The following MRC2 variants were observed in gnomAD, a reference collection of about 807,000 sequenced individuals.
MRC2 encodes C-type mannose receptor 2.
In MRC2, 84 loss-of-function variants were observed where a neutral mutation model predicts 206.2. That is an observed-to-expected ratio of 0.41 (90% CI 0.34 to 0.49). The LOEUF (loss-of-function observed/expected upper bound fraction) is 0.49, where lower values mean the gene tolerates loss of function less well. Among genes scored for constraint, MRC2 ranks in the 20% least tolerant of loss-of-function variants. MRC2 has a pLI of 0.31. For synonymous variants in MRC2, 798 were observed against 800.0 expected (o/e 1.00, Z 0.04); for missense variants, 1,676 against 2,001.5 (o/e 0.84, Z 3.10).
At chr17:62,657,941 G>A (rs1056853434) in intron 1 of MRC2, among the ~76,000 whole-genome samples, 2 of 151,796 alleles carry the variant, frequency 1.3e-5, no homozygotes, top group Non-Finnish European at 2.9e-5. Context: ...GAGTCCCCCC[G>A]GATCCACCTA....
intron 1 of MRC2, among the ~76,000 whole-genome samples, chr17:62,659,812 A>G (rs1391145246): frequency 3.3e-5 from 5 of 152,220 alleles, no homozygotes. Flanking sequence ...TGTGGGTACT[A>G]TGTTTTAGGA....
intron 1 of MRC2, among the ~76,000 whole-genome samples, chr17:62,650,293 A>AGT (rs948989059): frequency 1.1e-4 from 17 of 152,254 alleles, no homozygotes; most frequent in African/African-American, 3.9e-4. Context: ...ATTCCACTTC[A>AGT]GTGTGTGTGT....
In MRC2 at chr17:62,692,680, G is replaced by T. The variant is rs1028620321; in HGVS notation, c.*229G>T. The T allele has an allele frequency of 2.7e-5, 14 of 515,354 alleles. No homozygotes were observed. Among genetic ancestry groups the T allele is most frequent in the Non-Finnish European group, 4.6e-5 (13 of 285,050 alleles). 31.9% of individuals were successfully genotyped at this position (515,354 alleles called of 1,614,324 possible). A position where few individuals can be genotyped will look rare whatever the true frequency, so the allele number is the denominator to read the frequency against. On this transcript the variant is annotated 3_prime_UTR_variant, in exon 30 of 30. Coordinates refer to ENST00000303375, the MANE Select transcript of MRC2 (RefSeq NM_006039.5). This position sits in a 1 kb window ranked among gnomAD's most constrained non-coding sequence, Gnocchi z 4.2. ...AGCGTGGCGTTTCCCTTTCTGGGGGGGCCTGAGGTCTTGTCACCTGGTCCT... is the reference window on the plus strand; with the variant it reads ...AGCGTGGCGTTTCCCTTTCTGGGGGTGCCTGAGGTCTTGTCACCTGGTCCT...
chr17:62,666,307 C>A lies in MRC2; in HGVS notation c.694+40C>A. On this transcript the variant is annotated intron_variant, in intron 3 of 29. Coordinates refer to ENST00000303375, the MANE Select transcript of MRC2 (RefSeq NM_006039.5). The surrounding 1 kb of genome is among the most constrained non-coding windows in gnomAD (Gnocchi z 5.0). ...AGCCGTGGGGGCGGGGGCAGTGTTC[C>A]TGGAGGGAGGCTGGTGCTGAGGGGC... 6.4e-7 allele frequency: 1 copy of A among 1,556,128 alleles called. No individual in the cohort carries two copies. The highest frequency in any genetic ancestry group is 1.2e-5 in the South Asian group (1 of 81,168).
In MRC2 at chr17:62,677,313, A is replaced by T; in HGVS notation, c.1879A>T (p.Met627Leu). The T allele has an allele frequency of 6.2e-7, 1 of 1,607,000 alleles. No individual in the cohort carries two copies. The highest frequency in any genetic ancestry group is 8.5e-7 in the Non-Finnish European group (1 of 1,177,562). The change falls in exon 12 of 30, where the codon ATG becomes TTG. Residue 627 changes from methionine to leucine, a missense_variant. Transcript: ENST00000303375. ...GCVALATGSA[M>L]GLWEVKNCTS... ...CGTGGCGCTGGCCACTGGCAGCGCC[A>T]TGGGGCTGTGGGAGGTGAAGAACTG...
chr17:62,674,820 T>A (rs1367874529), intron 9 of MRC2, among the ~76,000 whole-genome samples: 2 of 152,002 alleles, frequency 1.3e-5, no homozygotes, highest in Non-Finnish European at 2.9e-5. Context: ...GCAAATGCTG[T>A]GATGGGTGCG....
At chr17:62,653,492 T>C (rs991798075) in intron 1 of MRC2, among the ~76,000 whole-genome samples, 3 of 152,136 alleles carry the variant, frequency 2.0e-5, no homozygotes. Context: ...CTCCACCCAT[T>C]CCCTGCCAGA....
intron 23 of MRC2, 84 bp from the exon 24 acceptor site, chr17:62,689,438 G>GT (rs2089074293): frequency 1.1e-6 from 1 of 902,202 alleles, no homozygotes; most frequent in African/African-American, 1.7e-5. Context: ...TCTTTGCCTG[G>GT]TGTGCGGCCT....
chr17:62,689,337 T>C lies in MRC2; in HGVS notation c.3335-185T>C, dbSNP rs1255448401. ...GTCAAGGCCCTCACCTCCCTGTCCA[T>C]TTGTTAGCAAACATGTATTATTAAT... On this transcript the variant is annotated intron_variant, in intron 23 of 29. Transcript: ENST00000303375. The C allele has an allele frequency of 4.9e-5, 29 of 587,692 alleles. No homozygotes were observed. In the East Asian group the frequency reaches 7.9e-4, roughly 16 times the overall value. 36.4% of individuals were successfully genotyped at this position (587,692 alleles called of 1,614,324 possible).
At chr17:62,656,252 G>A (rs180678498) in intron 1 of MRC2, among the ~76,000 whole-genome samples, 42 of 152,110 alleles carry the variant, frequency 2.8e-4, no homozygotes, top group Non-Finnish European at 5.4e-4. Context: ...TCACCATGTT[G>A]GCCAGGCTGG....
At position 62,658,059 on chromosome 17, in the gene MRC2, C is replaced by A. The variant is rs545482243; in HGVS notation, c.119-6489C>A. On this transcript the variant is annotated intron_variant, in intron 1 of 29. Coordinates refer to ENST00000303375, the MANE Select transcript of MRC2 (RefSeq NM_006039.5). ...TCATTTGCTGCCAAATGAGAAAATG[C>A]AAGAGGTTGCCTTTGTCCTCTTTTG... Among the ~76,000 whole-genome samples the A allele has an allele frequency of 2.6e-5, 4 of 152,188 alleles. No homozygotes were observed. In the South Asian group the frequency reaches 8.3e-4, roughly 32 times the overall value.
Position 62,677,305 on chromosome 17 carries a change from G to T in MRC2, c.1871G>T (p.Gly624Val). ...SRGGCVALAT[G>V]SAMGLWEVKN... is the part of the protein sequence containing the mutation. ...GGGGGCTGCGTGGCGCTGGCCACTG[G>T]CAGCGCCATGGGGCTGTGGGAGGTG... The change falls in exon 12 of 30, where the codon GGC becomes GTC. Residue 624 changes from glycine (G) to valine (V), a missense_variant. Around this residue, in one of 3 missense-constraint regions of MRC2, gnomAD observed 1,354 missense variants for 1,636.6 expected, o/e 0.83. Transcript: ENST00000303375. The T allele has an allele frequency of 6.2e-7, 1 of 1,606,026 alleles. No homozygotes were observed. The highest frequency in any genetic ancestry group is 1.7e-5 in the Admixed American group (1 of 58,874).
intron 22 of MRC2, 58 bp from the exon 23 acceptor site, chr17:62,688,794 G>T: frequency 6.3e-7 from 1 of 1,585,496 alleles, no homozygotes; most frequent in Non-Finnish European, 8.6e-7. Context: ...AGCCTTCTGG[G>T]GACAGTAGCA....
At chr17:62,645,971 G>A in intron 1 of MRC2, among the ~76,000 whole-genome samples, 1 of 151,268 alleles carries the variant, frequency 6.6e-6, no homozygotes. Flanking sequence ...TGTGTGAGTG[G>A]ACCATAACTT....
chr17:62,637,039 G>T (rs2088331122), intron 1 of MRC2, among the ~76,000 whole-genome samples: 1 of 152,184 alleles, frequency 6.6e-6, no homozygotes, highest in Non-Finnish European at 1.5e-5. Flanking sequence ...CGCTGCTAAG[G>T]GGAAGCTTGA....
chr17:62,647,694 TCTTTC>T (rs1237105106), intron 1 of MRC2, among the ~76,000 whole-genome samples: 3 of 152,222 alleles, frequency 2.0e-5, no homozygotes, highest in Admixed American at 1.3e-4. Context: ...CATTCTTAGT[TCTTTC>T]CTTAAGTTAA....
intron 1 of MRC2, among the ~76,000 whole-genome samples, chr17:62,629,960 G>C (rs2084203421): frequency 6.6e-6 from 1 of 152,256 alleles, no homozygotes; most frequent in African/African-American, 2.4e-5. Flanking sequence ...CGAGGCGGCA[G>C]TGCCTTCTTG....
Position 62,672,566 on chromosome 17 carries a change from A to T in MRC2, c.1461+414A>T, listed in dbSNP as rs1211984135. On this transcript the variant is annotated intron_variant, in intron 8 of 29. Coordinates refer to ENST00000303375, the MANE Select transcript of MRC2 (RefSeq NM_006039.5). This position sits in a 1 kb window ranked among gnomAD's most constrained non-coding sequence, Gnocchi z 4.5. ...TGCCAGCCCTCGCCCCCAGTGCTCT[A>T]CCCAGTCCAGGGTCCTGTCATCTCA... is the stretch of plus-strand genomic sequence containing the variant. Among the ~76,000 whole-genome samples, 2 of 152,116 alleles carry T rather than the reference A, an allele frequency of 1.3e-5. No individual in the cohort carries two copies. Among genetic ancestry groups the T allele is most frequent in the Non-Finnish European group, 2.9e-5 (2 of 68,010 alleles).
intron 1 of MRC2, among the ~76,000 whole-genome samples, chr17:62,640,459 C>A (rs2088387153): frequency 6.6e-6 from 1 of 152,068 alleles, no homozygotes; most frequent in African/African-American, 2.4e-5. Flanking sequence ...CAGTCCCTTC[C>A]CAATATAGAG....
Sources: allele counts gnomAD v4.1 joint callset (sites outside exome capture counted in the v4.1 genomes callset), GRCh38; gene constraint gnomAD v4.1.1; regional missense constraint gnomAD v4.1.1; non-coding constraint Gnocchi (gnomAD v3.1); transcripts MANE v1.5; gene names NCBI Gene and HGNC (gene_info 2026-07-23, HGNC 2026-07-21).